GRID2: variants seen among roughly 807,000 people sequenced by gnomAD.
The protein encoded by GRID2 is glutamate receptor ionotropic, delta-2.
A neutral mutation model predicts 114.8 loss-of-function variants in GRID2; 33 were observed. The ratio of observed to expected loss-of-function variants is 0.29; its 90% confidence interval spans 0.22 to 0.38. GRID2 has a LOEUF of 0.38. GRID2 is among the 10% of genes least tolerant of loss of function. The pLI, the probability that GRID2 is intolerant of heterozygous loss-of-function variation, is 1.00. For synonymous variants in GRID2, 505 were observed against 449.9 expected (o/e 1.12, Z -1.55); for missense variants, 1,184 against 1,257.7 (o/e 0.94, Z 0.89).
intron 9 of GRID2, among the ~76,000 whole-genome samples, chr4:93,408,204 G>A (rs1766725267): frequency 6.6e-6 from 1 of 152,076 alleles, no homozygotes; most frequent in South Asian, 2.1e-4. Flanking sequence ...CAAAAACAAA[G>A]CGTTTGAAAA....
chr4:92,955,844 G>A (rs1001363596), intron 2 of GRID2, among the ~76,000 whole-genome samples: 4 of 152,098 alleles, frequency 2.6e-5, no homozygotes, highest in Non-Finnish European at 5.9e-5. Context: ...TGGCTAGCCA[G>A]TTTTCCCAGC....
intron 10 of GRID2, among the ~76,000 whole-genome samples, chr4:93,451,589 A>G (rs1173072676): frequency 6.6e-6 from 1 of 152,058 alleles, no homozygotes; most frequent in Admixed American, 6.6e-5. Context: ...GAAAATTTTT[A>G]AAGTGTGGCA....
intron 10 of GRID2, among the ~76,000 whole-genome samples, chr4:93,445,751 T>C (rs1256982434): frequency 3.3e-5 from 5 of 152,002 alleles, no homozygotes; most frequent in African/African-American, 1.2e-4. Context: ...TGTCGAAATA[T>C]TTATTTTCTA....
At chr4:93,402,960 T>C (rs529351711) in intron 9 of GRID2, among the ~76,000 whole-genome samples, 1 of 152,188 alleles carries the variant, frequency 6.6e-6, no homozygotes, top group African/African-American at 2.4e-5. Context: ...ACCTCAAAGT[T>C]CAAGCTTTTC....
chr4:93,164,656 G>A (rs551562390), intron 4 of GRID2: 17 of 367,914 alleles, frequency 4.6e-5, no homozygotes, highest in Admixed American at 2.7e-4. Flanking sequence ...TGAAAATACC[G>A]GTTATCCTTG....
chr4:93,658,084 C>G (rs1178399451), intron 14 of GRID2, among the ~76,000 whole-genome samples: 1 of 152,022 alleles, frequency 6.6e-6, no homozygotes, highest in African/African-American at 2.4e-5. Flanking sequence ...TTTTCAGAAG[C>G]AAAAAACAAG....
intron 2 of GRID2, among the ~76,000 whole-genome samples, chr4:92,930,527 TAAG>T (rs1354383926): frequency 6.7e-6 from 1 of 149,942 alleles, no homozygotes; most frequent in Non-Finnish European, 1.5e-5. Flanking sequence ...AGACAGGATA[TAAG>T]AAGATTTAGG....
intron 1 of GRID2, among the ~76,000 whole-genome samples, chr4:92,560,832 A>T (rs34612832): frequency 6.6e-6 from 1 of 151,652 alleles, no homozygotes; most frequent in East Asian, 1.9e-4. Context: ...CCAGTCTCCC[A>T]AGTGGCTGGG....
rs1054300630 is a variant in GRID2, at chr4:92,967,826, A to G, written c.245-117169A>G. On this transcript the variant is annotated intron_variant, in intron 2 of 15. Coordinates refer to ENST00000282020, the MANE Select transcript of GRID2 (RefSeq NM_001510.4). ...GGATAGCTCCAACAAAACATCTTTCAGTGAGCAGCAATAATTCTCCTTGAA... is the reference window on the plus strand; with the variant it reads ...GGATAGCTCCAACAAAACATCTTTCGGTGAGCAGCAATAATTCTCCTTGAA... Among the ~76,000 whole-genome samples, 3 of 151,920 alleles carry G rather than the reference A, an allele frequency of 2.0e-5. No individual in the cohort carries two copies. The East Asian group carries it at 5.8e-4, about 29-fold the overall frequency.
At chr4:93,416,365 A>G (rs1767707642) in intron 9 of GRID2, among the ~76,000 whole-genome samples, 1 of 152,126 alleles carries the variant, frequency 6.6e-6, no homozygotes, top group Non-Finnish European at 1.5e-5. Flanking sequence ...CCATGCATAA[A>G]GACAACTATT....
At chr4:93,799,968 T>G (rs1195589453) in intron 1 of GRID2, among the ~76,000 whole-genome samples, 3 of 152,198 alleles carry the variant, frequency 2.0e-5, no homozygotes, top group Admixed American at 6.5e-5. Flanking sequence ...AGGTCTAGAA[T>G]GCATCAAAAC....
intron 2 of GRID2, among the ~76,000 whole-genome samples, chr4:92,737,337 TATG>T (rs948541211): frequency 2.6e-5 from 4 of 152,102 alleles, no homozygotes; most frequent in Non-Finnish European, 4.4e-5. Flanking sequence ...AAAGGAATCT[TATG>T]ATTATGTGTA....
rs1317381135 is a variant in GRID2, at chr4:93,643,142, G to A, written c.2360+16707G>A. Among the ~76,000 whole-genome samples the A allele has an allele frequency of 1.7e-4, 5 of 28,772 alleles. 1 individual carries two copies. The highest frequency in any genetic ancestry group is 4.7e-4 in the Admixed American group (2 of 4,224). 18.9% of individuals were successfully genotyped at this position (28,772 alleles called of 152,430 possible). Reference sequence around the variant, plus strand: ...CTTCTGCATTCTTCACGTAGTTCTCGAGCCTTCGTTTTCAGCTCCATCAGC... The same window carrying A: ...CTTCTGCATTCTTCACGTAGTTCTCAAGCCTTCGTTTTCAGCTCCATCAGC... On this transcript the variant is annotated intron_variant, in intron 14 of 15. Coordinates refer to ENST00000282020, the MANE Select transcript of GRID2 (RefSeq NM_001510.4).
At chr4:92,796,323 T>C (rs1332981374) in intron 2 of GRID2, among the ~76,000 whole-genome samples, 1 of 151,918 alleles carries the variant, frequency 6.6e-6, no homozygotes, top group African/African-American at 2.4e-5. Context: ...AAGAACTTTA[T>C]AAGGCAGTCC....
chr4:93,156,473 G>A (rs973028613), intron 4 of GRID2, among the ~76,000 whole-genome samples: 2 of 151,740 alleles, frequency 1.3e-5, no homozygotes, highest in Admixed American at 6.6e-5. Context: ...GTGCTCAAAT[G>A]TCATAGCTGA....
intron 4 of GRID2, among the ~76,000 whole-genome samples, chr4:93,165,541 G>A (rs1011881670): frequency 1.3e-5 from 2 of 152,102 alleles, no homozygotes; most frequent in Non-Finnish European, 2.9e-5. Context: ...TGACAGCAGA[G>A]AATCAGAATA....
At chr4:93,129,155 C>A (rs1275559145) in intron 4 of GRID2, among the ~76,000 whole-genome samples, 1 of 152,090 alleles carries the variant, frequency 6.6e-6, no homozygotes, top group Non-Finnish European at 1.5e-5. Flanking sequence ...AACCACACAC[C>A]ACACAAATAA....
intron 4 of GRID2, among the ~76,000 whole-genome samples, chr4:93,187,811 A>G (rs1439858743): frequency 6.6e-6 from 1 of 152,238 alleles, no homozygotes; most frequent in Non-Finnish European, 1.5e-5. Flanking sequence ...GAAAGGAAAA[A>G]AAGTGGTAAC....
intron 2 of GRID2, among the ~76,000 whole-genome samples, chr4:93,020,378 G>T (rs1190992473): frequency 6.6e-6 from 1 of 151,884 alleles, no homozygotes; most frequent in Non-Finnish European, 1.5e-5. Flanking sequence ...ATGAAAAAAT[G>T]CAAAGAAATC....
Sources: gnomAD v4.1 joint callset for allele counts (sites outside exome capture counted in the v4.1 genomes callset) on GRCh38, gnomAD v4.1.1 for gene constraint, MANE v1.5 for transcripts, NCBI Gene and HGNC (gene_info 2026-07-23, HGNC 2026-07-21) for gene names.